Variants in TANC1 observed in about 807,000 individuals in gnomAD.
TANC1 encodes tetratricopeptide repeat, ankyrin repeat and coiled-coil containing 1, also known as protein TANC1.
In TANC1, 77 loss-of-function variants were observed where a neutral mutation model predicts 149.7. That is an observed-to-expected ratio of 0.51 (90% CI 0.43 to 0.62). TANC1 has a LOEUF of 0.62. Among genes scored for constraint, TANC1 ranks in the 20% least tolerant of loss-of-function variants. The pLI is 0.00. For synonymous variants in TANC1, 854 were observed against 925.0 expected (o/e 0.92, Z 1.39); for missense variants, 1,985 against 2,321.8 (o/e 0.85, Z 2.98).
At chr2:159,213,311 A>G (rs1216946019) in intron 19 of TANC1, among the ~76,000 whole-genome samples, 1 of 152,118 alleles carries the variant, frequency 6.6e-6, no homozygotes, top group African/African-American at 2.4e-5. Context: ...AAGAGACTAC[A>G]GCGAGAATTC....
intron 1 of TANC1, among the ~76,000 whole-genome samples, chr2:158,977,189 G>C (rs760411261): frequency 1.3e-5 from 2 of 151,922 alleles, no homozygotes; most frequent in Non-Finnish European, 2.9e-5. Context: ...GCCCAAGCTG[G>C]AGTACAGTGG....
chr2:159,028,338 C>T (rs753510120), intron 2 of TANC1, among the ~76,000 whole-genome samples: 4 of 152,162 alleles, frequency 2.6e-5, no homozygotes, highest in Non-Finnish European at 5.9e-5. Flanking sequence ...CCAAGCTGGT[C>T]TCGAACTTCT....
At chr2:158,983,450 G>C (rs1420133271) in intron 1 of TANC1, among the ~76,000 whole-genome samples, 2 of 117,100 alleles carry the variant, frequency 1.7e-5, no homozygotes, top group Non-Finnish European at 3.2e-5. Context: ...CTGGGAGACA[G>C]AGCAAGACTC....
At chr2:159,167,590 C>T (rs994818619) in intron 8 of TANC1, among the ~76,000 whole-genome samples, 1 of 152,212 alleles carries the variant, frequency 6.6e-6, no homozygotes, top group Non-Finnish European at 1.5e-5. Context: ...TGTGTATACA[C>T]TGTGGATATG....
At chr2:159,023,531 A>G (rs566682765) in intron 2 of TANC1, among the ~76,000 whole-genome samples, 36 of 151,514 alleles carry the variant, frequency 2.4e-4, no homozygotes, top group African/African-American at 8.7e-4. Flanking sequence ...TGGAAGAGAC[A>G]GGATCTCGCC....
chr2:159,018,529 T>C (rs1574147512), intron 2 of TANC1, among the ~76,000 whole-genome samples: 1 of 152,212 alleles, frequency 6.6e-6, no homozygotes, highest in Admixed American at 6.5e-5. Flanking sequence ...AAAATGTAAG[T>C]GTACGGTTCA....
In TANC1 at chr2:159,194,464, GTGT is replaced by G; in HGVS notation, c.2951_2953del (p.Val984_Cys985delinsGly). The G allele has an allele frequency of 6.2e-7, 1 of 1,614,244 alleles. No individual in the cohort carries two copies. The highest frequency in any genetic ancestry group is 8.5e-7 in the Non-Finnish European group (1 of 1,180,038). ...AGCAGCTGCTGGCCACATGAAGCTG[GTGT>G]GTCTGCTGACCAAGAAGGGAGTGAG... On this transcript the variant is annotated inframe_deletion, in exon 17 of 27. Transcript: ENST00000263635.
At chr2:159,169,464 T>C (rs2054953828) in intron 9 of TANC1, 92 bp downstream of exon 9, 1 of 1,318,300 alleles carries the variant, frequency 7.6e-7, no homozygotes, top group East Asian at 2.3e-5. Context: ...AAGCCAACTG[T>C]GTTTATAACA....
intron 1 of TANC1, among the ~76,000 whole-genome samples, chr2:158,995,651 T>C (rs1337570811): frequency 6.6e-6 from 1 of 152,208 alleles, no homozygotes; most frequent in Admixed American, 6.5e-5. Context: ...TATACCTGTC[T>C]CCATTCATTT....
chr2:159,175,658 A>G (rs11680534), intron 12 of TANC1, among the ~76,000 whole-genome samples: 35,411 of 152,216 alleles, frequency 0.23, 5,325 homozygotes, highest in Non-Finnish European at 0.35. Context: ...AATGGACATC[A>G]GTGACCTGAT....
In TANC1 at chr2:159,005,900, T is replaced by A. The variant is rs530762156; in HGVS notation, c.-16+4711T>A. Reference sequence around the variant, plus strand: ...TAATTTTTAAGTAAAGGCCAAAAAATTTTTTTTTAAACTATGGAGATGTCT... The same window carrying A: ...TAATTTTTAAGTAAAGGCCAAAAAAATTTTTTTTAAACTATGGAGATGTCT... On this transcript the variant is annotated intron_variant, in intron 2 of 26. Transcript: ENST00000263635. Among the ~76,000 whole-genome samples the A allele has an allele frequency of 1.2e-3, 189 of 151,938 alleles. 3 individuals are homozygous for A. In the South Asian group the frequency reaches 0.013, roughly 11 times the overall value.
chr2:159,011,757 T>A (rs1363699818), intron 2 of TANC1, among the ~76,000 whole-genome samples: 5 of 152,100 alleles, frequency 3.3e-5, no homozygotes, highest in South Asian at 2.1e-4. Flanking sequence ...CTTACATTTT[T>A]AAAAAAATGA....
At chr2:158,970,392 G>C (rs904501343) in intron 1 of TANC1, among the ~76,000 whole-genome samples, 1 of 152,302 alleles carries the variant, frequency 6.6e-6, no homozygotes, top group East Asian at 1.9e-4. Flanking sequence ...CTGCTACTAG[G>C]AAGATTCCAG....
chr2:159,041,745 G>T (rs765070117), intron 2 of TANC1, among the ~76,000 whole-genome samples: 3 of 152,220 alleles, frequency 2.0e-5, no homozygotes, highest in Non-Finnish European at 2.9e-5. Flanking sequence ...CTTCCTGGGT[G>T]AGGTGATGAC....
At chr2:158,983,376 A>G (rs1349513597) in intron 1 of TANC1, among the ~76,000 whole-genome samples, 6 of 149,954 alleles carry the variant, frequency 4.0e-5, no homozygotes, top group Non-Finnish European at 7.4e-5. Context: ...CTGAGGCAGG[A>G]GAATAGCGTG....
At chr2:159,019,289 C>T (rs2038579447) in intron 2 of TANC1, among the ~76,000 whole-genome samples, 1 of 152,210 alleles carries the variant, frequency 6.6e-6, no homozygotes, top group Non-Finnish European at 1.5e-5. Flanking sequence ...CAGCGATCTT[C>T]AGCCCGTGTT....
At chr2:159,038,412 G>A (rs1399608464) in intron 2 of TANC1, among the ~76,000 whole-genome samples, 1 of 152,144 alleles carries the variant, frequency 6.6e-6, no homozygotes, top group Non-Finnish European at 1.5e-5. Context: ...GTGAGAGAGG[G>A]CATCCCTGTC....
Position 159,103,265 on chromosome 2 carries a change from G to A in TANC1, c.259+5431G>A, listed in dbSNP as rs555388342. ...ATCTCCTTGGGGTAGCAGGTTCCCA[G>A]CAGTGGAATTATTGAACTAAATGGC... On this transcript the variant is annotated intron_variant, in intron 4 of 26. Coordinates refer to ENST00000263635, the MANE Select transcript of TANC1 (RefSeq NM_033394.3). Among the ~76,000 whole-genome samples, 2 of 95,418 alleles carry A rather than the reference G, an allele frequency of 2.1e-5. 1 individual carries two copies. Among genetic ancestry groups the A allele is most frequent in the South Asian group, 7.3e-4 (2 of 2,740 alleles). 62.6% of individuals were successfully genotyped at this position (95,418 alleles called of 152,430 possible).
intron 4 of TANC1, among the ~76,000 whole-genome samples, chr2:159,128,079 T>C (rs2049665600): frequency 6.6e-6 from 1 of 152,250 alleles, no homozygotes; most frequent in Non-Finnish European, 1.5e-5. Flanking sequence ...TTCTTCACTA[T>C]CAGCAGGTGA....
Sources: allele counts gnomAD v4.1 joint callset (sites outside exome capture counted in the v4.1 genomes callset), GRCh38; gene constraint gnomAD v4.1.1; transcripts MANE v1.5; gene names NCBI Gene and HGNC (gene_info 2026-07-23, HGNC 2026-07-21).